The following FGF2 variants were observed in gnomAD, a reference collection of about 807,000 sequenced individuals.
FGF2 encodes fibroblast growth factor 2.
FGF2 carries 13 observed loss-of-function variants against 15.9 expected under a neutral mutation model. The ratio of observed to expected loss-of-function variants is 0.82; its 90% confidence interval spans 0.53 to 1.30. The LOEUF (loss-of-function observed/expected upper bound fraction) is 1.30. Ranked by LOEUF, FGF2 falls within the 50% of genes most tolerant of loss-of-function variation. The probability of loss-of-function intolerance (pLI) is 0.00; values close to 1 mark genes in which losing one functional copy is unlikely to be tolerated. For missense variants in FGF2, 163 were observed against 196.9 expected, an observed-to-expected ratio of 0.83 and a Z score of 1.03; for synonymous variants, 90 against 78.4, an observed-to-expected ratio of 1.15 and a Z score of -0.78.
intron 1 of FGF2, among the ~76,000 whole-genome samples, chr4:122,834,423 T>G (rs1725823544): frequency 6.6e-6 from 1 of 152,244 alleles, no homozygotes; most frequent in Admixed American, 6.5e-5. Flanking sequence ...TTTTTTGAAC[T>G]CTTTTAAATT....
chr4:122,839,354 A>G (rs951907352), intron 1 of FGF2, among the ~76,000 whole-genome samples: 2 of 151,920 alleles, frequency 1.3e-5, no homozygotes, highest in African/African-American at 4.8e-5. Flanking sequence ...ATTTAAGGAC[A>G]TGTGGTGTAA....
rs763038264 is a variant in FGF2 at position 122,827,210 on chromosome 4, G to T, written c.36G>T (p.Leu12Phe). 11 of 1,609,236 alleles carry T rather than the reference G, an allele frequency of 6.8e-6. No homozygotes were observed. Among genetic ancestry groups the T allele is most frequent in the Admixed American group, 1.7e-5 (1 of 59,736 alleles). ...GGAGCATCACCACGCTGCCCGCCTT[G>T]CCCGAGGATGGCGGCAGCGGCGCCT... ...AAGSITTLPA[L>F]PEDGGSGAFP... The change falls in exon 1 of 3, where the codon TTG (leucine) becomes TTT (phenylalanine). Residue 12 changes from leucine to phenylalanine, a missense_variant. Coordinates refer to ENST00000644866, the MANE Select transcript of FGF2 (RefSeq NM_001361665.2). The surrounding 1 kb of genome is among the most constrained non-coding windows in gnomAD (Gnocchi z 4.2).
chr4:122,838,195 C>T (rs565076163), intron 1 of FGF2, among the ~76,000 whole-genome samples: 2 of 152,264 alleles, frequency 1.3e-5, no homozygotes, highest in East Asian at 3.9e-4. Context: ...GGTATGAAAG[C>T]CCTGAAGTAT....
chr4:122,856,358 A>G (rs183108462), intron 1 of FGF2, among the ~76,000 whole-genome samples: 2 of 152,324 alleles, frequency 1.3e-5, no homozygotes, highest in East Asian at 1.9e-4. Context: ...TACTCAGTCA[A>G]CAATGAATTG....
chr4:122,834,449 A>G (rs1560735849), intron 1 of FGF2, among the ~76,000 whole-genome samples: 1 of 152,188 alleles, frequency 6.6e-6, no homozygotes, highest in Non-Finnish European at 1.5e-5. Context: ...TTCTGCCCTC[A>G]GTATTCCACT....
At chr4:122,885,913 CTTTTTT>C (rs11310783) in intron 2 of FGF2, among the ~76,000 whole-genome samples, 18 of 84,524 alleles carry the variant, frequency 2.1e-4, no homozygotes, top group South Asian at 7.0e-4. Context: ...TTTTTTTTTC[CTTTTTT>C]TTTTTTTTTT....
At chr4:122,826,748 G>A (rs1174539455), upstream of FGF2, 8 of 1,284,344 alleles carry the variant, frequency 6.2e-6, no homozygotes, top group African/African-American at 7.6e-5. Flanking sequence ...CGGCGCGCAG[G>A]AGGGAGGAGA....
intron 1 of FGF2, among the ~76,000 whole-genome samples, chr4:122,841,733 C>T (rs550774279): frequency 5.3e-5 from 8 of 152,218 alleles, no homozygotes; most frequent in Admixed American, 1.3e-4. Context: ...TTTGCTAGAC[C>T]GTCCACCCAA....
intron 1 of FGF2, among the ~76,000 whole-genome samples, chr4:122,869,336 T>C (rs58097567): frequency 0.16 from 24,281 of 152,178 alleles, 2,415 homozygotes; most frequent in East Asian, 0.45. Flanking sequence ...TTTCATTCCA[T>C]ATGAAATTTA....
intron 2 of FGF2, among the ~76,000 whole-genome samples, chr4:122,880,825 G>A (rs926902450): frequency 3.3e-5 from 5 of 152,120 alleles, no homozygotes; most frequent in African/African-American, 4.8e-5. Flanking sequence ...GCTGCAATAG[G>A]GACTCTGTGT....
At chr4:122,837,021 C>T (rs1242915347) in intron 1 of FGF2, among the ~76,000 whole-genome samples, 1 of 152,220 alleles carries the variant, frequency 6.6e-6, no homozygotes, top group African/African-American at 2.4e-5. Flanking sequence ...GTGTGTCTCT[C>T]TCTTACTCAG....
At chr4:122,877,232 C>T (rs1726871820) in intron 2 of FGF2, among the ~76,000 whole-genome samples, 1 of 151,958 alleles carries the variant, frequency 6.6e-6, no homozygotes. Context: ...GCCTCAGCCT[C>T]CCGAGTAGCT....
chr4:122,850,194 G>A (rs1001680747), intron 1 of FGF2, among the ~76,000 whole-genome samples: 1 of 151,814 alleles, frequency 6.6e-6, no homozygotes, highest in South Asian at 2.1e-4. Context: ...CCTGGGAGGC[G>A]GAGGTTGCAG....
At chr4:122,879,365 A>G (rs1241877550) in intron 2 of FGF2, among the ~76,000 whole-genome samples, 2 of 152,228 alleles carry the variant, frequency 1.3e-5, no homozygotes, top group Non-Finnish European at 2.9e-5. Context: ...ATGCTTCTGC[A>G]GTAGAATTGG....
At chr4:122,864,478 C>A (rs1726531840) in intron 1 of FGF2, among the ~76,000 whole-genome samples, 1 of 152,136 alleles carries the variant, frequency 6.6e-6, no homozygotes, top group East Asian at 1.9e-4. Context: ...TATAAAATTA[C>A]CTGAAGGCAT....
At chr4:122,871,690 G>T (rs536232415) in intron 1 of FGF2, among the ~76,000 whole-genome samples, 1 of 151,526 alleles carries the variant, frequency 6.6e-6, no homozygotes, top group South Asian at 2.1e-4. Flanking sequence ...AACATCTCCA[G>T]GTGCAGGAGC....
In FGF2 at chr4:122,827,569, T is replaced by G. The variant is rs1210105587; in HGVS notation, c.178+217T>G. ...CGGGTGTCCCCTGGGCTTTGGGGTG[T>G]GCCAATTTGCCCTGTAAACCAGTAC... On this transcript the variant is annotated intron_variant, in intron 1 of 2. Coordinates refer to ENST00000644866, the MANE Select transcript of FGF2 (RefSeq NM_001361665.2). The surrounding 1 kb of genome is among the most constrained non-coding windows in gnomAD (Gnocchi z 4.2). Among the ~76,000 whole-genome samples, 1 of 151,902 alleles carries G rather than the reference T, an allele frequency of 6.6e-6. No homozygotes were observed. Among genetic ancestry groups the G allele is most frequent in the East Asian group, 2.0e-4 (1 of 5,118 alleles).
At chr4:122,845,953 C>T (rs989917729) in intron 1 of FGF2, among the ~76,000 whole-genome samples, 1 of 152,232 alleles carries the variant, frequency 6.6e-6, no homozygotes, top group Non-Finnish European at 1.5e-5. Context: ...CGGCTTTCAA[C>T]ATGCCTTCTC....
intron 1 of FGF2, among the ~76,000 whole-genome samples, chr4:122,841,294 T>C (rs1038426661): frequency 6.6e-6 from 1 of 152,214 alleles, no homozygotes; most frequent in Admixed American, 6.5e-5. Context: ...GTGTAAAATA[T>C]TTACTTCCTG....
Sources: gnomAD v4.1 joint callset for allele counts (sites outside exome capture counted in the v4.1 genomes callset) on GRCh38, gnomAD v4.1.1 for gene constraint, Gnocchi (gnomAD v3.1) non-coding constraint, MANE v1.5 for transcripts, NCBI Gene and HGNC (gene_info 2026-07-23, HGNC 2026-07-21) for gene names.